Variants in DOCK5 observed in about 807,000 individuals in gnomAD.
DOCK5 encodes the protein dedicator of cytokinesis 5.
DOCK5 carries 142 observed loss-of-function variants against 251.8 expected under a neutral mutation model. That is an observed-to-expected ratio of 0.56 (90% CI 0.49 to 0.65). The LOEUF (loss-of-function observed/expected upper bound fraction) is 0.65, where lower values mean the gene tolerates loss of function less well. DOCK5 is among the 30% of genes least tolerant of loss of function. The pLI is 0.00. For synonymous variants in DOCK5, 842 were observed against 835.5 expected (o/e 1.01, Z -0.13); for missense variants, 2,111 against 2,312.3 (o/e 0.91, Z 1.79).
chr8:25,308,437 G>T (rs1259472341), intron 11 of DOCK5, among the ~76,000 whole-genome samples: 1 of 152,070 alleles, frequency 6.6e-6, no homozygotes, highest in Non-Finnish European at 1.5e-5. Context: ...AGACCTGGGG[G>T]CTCCTGCCCC....
Position 25,395,529 on chromosome 8 carries a change from G to A in DOCK5, c.4528-14G>A. On this transcript the variant is annotated splice_polypyrimidine_tract_variant and intron_variant, in intron 44 of 51. Coordinates refer to ENST00000276440, the MANE Select transcript of DOCK5 (RefSeq NM_024940.8). ...GACAAGTGTCCTCTTTCTCCCATGT[G>A]CTCTGTCACTCAGGAAGAGATCAGT... The A allele has an allele frequency of 6.2e-7, 1 of 1,600,374 alleles. No individual in the cohort carries two copies. Among genetic ancestry groups the A allele is most frequent in the East Asian group, 2.2e-5 (1 of 44,780 alleles).
chr8:25,292,176 G>T lies in DOCK5; in HGVS notation c.470+4G>T. On this transcript the variant is annotated splice_donor_region_variant and intron_variant, in intron 6 of 51. Transcript: ENST00000276440. ...CCAAAATTGATCATGGGAACAGGTA[G>T]GTAAACCAGGGATGGCTTTTCACTG... 1 of 1,561,806 alleles carries T rather than the reference G, an allele frequency of 6.4e-7. No individual in the cohort carries two copies. Among genetic ancestry groups the T allele is most frequent in the South Asian group, 1.2e-5 (1 of 84,498 alleles).
At chr8:25,319,510 G>A in intron 14 of DOCK5, 68 bp from the exon 15 acceptor site, 1 of 1,071,890 alleles carries the variant, frequency 9.3e-7, no homozygotes, top group East Asian at 2.6e-5. Context: ...GCTTGTGCAT[G>A]GTATATGGGG....
At chr8:25,392,956 C>A in intron 44 of DOCK5, 74 bp downstream of exon 44, 1 of 1,315,296 alleles carries the variant, frequency 7.6e-7, no homozygotes. Flanking sequence ...TGTTGAATTC[C>A]CTCTGCAGTT....
chr8:25,239,656 G>A (rs1171133382), intron 1 of DOCK5, among the ~76,000 whole-genome samples: 1 of 152,056 alleles, frequency 6.6e-6, no homozygotes, highest in Non-Finnish European at 1.5e-5. Flanking sequence ...ACCAGCAGAC[G>A]AATGAAGGAG....
rs1257723794 is a variant in DOCK5, at chr8:25,380,385, C to A, written c.4017C>A (p.Gly1339=). Residue 1339 remains glycine, a synonymous_variant, in exon 39 of 52, where the codon GGC becomes GGA. Transcript: ENST00000276440. ...AAGTATTTGACTACGAGGGCCTTGG[C>A]AACCTCCTGGTGAGTCTGGGTCAAA... ...ESKVFDYEGL[G]NLLKKRASFY... is the part of the protein sequence containing the mutation. 2 of 1,608,244 alleles carry A rather than the reference C, an allele frequency of 1.2e-6. No homozygotes were observed. The highest frequency in any genetic ancestry group is 2.2e-5 in the East Asian group (1 of 44,732).
intron 2 of DOCK5, among the ~76,000 whole-genome samples, chr8:25,247,967 G>C (rs904177240): frequency 2.6e-5 from 4 of 151,670 alleles, no homozygotes; most frequent in African/African-American, 9.7e-5. Flanking sequence ...TGCTGCGTCA[G>C]CCGTAGAACT....
intron 41 of DOCK5, 139 bp from the exon 42 acceptor site, chr8:25,390,067 G>A (rs1801230154): frequency 5.3e-6 from 3 of 567,336 alleles, no homozygotes; most frequent in Non-Finnish European, 6.0e-6. Flanking sequence ...CCCATTTTCA[G>A]TGTGGTCCTG....
At chr8:25,336,217 T>C (rs1384057575) in intron 21 of DOCK5, 22 bp from the exon 22 acceptor site, 1 of 1,599,928 alleles carries the variant, frequency 6.3e-7, no homozygotes, top group South Asian at 1.1e-5. Context: ...TTGGCTTAAT[T>C]TTTCTTTCTC....
chr8:25,229,380 G>A (rs1383421629), intron 1 of DOCK5, among the ~76,000 whole-genome samples: 1 of 152,066 alleles, frequency 6.6e-6, no homozygotes, highest in African/African-American at 2.4e-5. Context: ...TACTCTGGAG[G>A]TGAGGCAGGA....
chr8:25,269,679 A>G (rs1803854802), intron 3 of DOCK5, among the ~76,000 whole-genome samples: 1 of 151,000 alleles, frequency 6.6e-6, no homozygotes, highest in South Asian at 2.1e-4. Flanking sequence ...AGGTCTTGTC[A>G]GCACTTTTCC....
chr8:25,377,154 C>T (rs1366515477), intron 37 of DOCK5, 151 bp from the exon 38 acceptor site: 2 of 974,850 alleles, frequency 2.1e-6, no homozygotes, highest in Non-Finnish European at 2.7e-6. Flanking sequence ...TTGGAGCTGG[C>T]ATGTGTATAT....
chr8:25,362,122 G>A (rs1253931514), intron 28 of DOCK5, among the ~76,000 whole-genome samples: 1 of 152,150 alleles, frequency 6.6e-6, no homozygotes, highest in Non-Finnish European at 1.5e-5. Flanking sequence ...CCACTGTTAC[G>A]ATCCATTTTG....
At chr8:25,247,277 CTT>C (rs1305444365) in intron 2 of DOCK5, among the ~76,000 whole-genome samples, 1 of 152,070 alleles carries the variant, frequency 6.6e-6, no homozygotes, top group Non-Finnish European at 1.5e-5. Context: ...AATTGAAACA[CTT>C]TGTCCTGTTA....
chr8:25,285,247 G>C (rs537464704), intron 5 of DOCK5, among the ~76,000 whole-genome samples: 1 of 152,258 alleles, frequency 6.6e-6, no homozygotes, highest in Admixed American at 6.5e-5. Flanking sequence ...CAGGGTTCAA[G>C]CGATTCTCAT....
At chr8:25,372,205 C>G (rs140773752) in intron 34 of DOCK5, among the ~76,000 whole-genome samples, 1 of 152,250 alleles carries the variant, frequency 6.6e-6, no homozygotes, top group East Asian at 1.9e-4. Context: ...AGAGCACACA[C>G]GAACCTTTTG....
intron 34 of DOCK5, among the ~76,000 whole-genome samples, chr8:25,370,332 T>A (rs1379573808): frequency 6.6e-6 from 1 of 152,246 alleles, no homozygotes; most frequent in Non-Finnish European, 1.5e-5. Context: ...AGTCCAGTGA[T>A]TCTGCTTATC....
At chr8:25,294,476 T>TCCA (rs1322048784) in intron 6 of DOCK5, among the ~76,000 whole-genome samples, 2 of 152,222 alleles carry the variant, frequency 1.3e-5, no homozygotes, top group Admixed American at 1.3e-4. Context: ...GTATCCTATT[T>TCCA]CCACCACAGT....
chr8:25,398,134 C>G (rs1021086190), intron 45 of DOCK5, among the ~76,000 whole-genome samples: 4 of 152,162 alleles, frequency 2.6e-5, no homozygotes, highest in African/African-American at 7.2e-5. Context: ...CAGAACCCTA[C>G]TAGAAAAATG....
Sources: allele counts gnomAD v4.1 joint callset (sites outside exome capture counted in the v4.1 genomes callset), GRCh38; gene constraint gnomAD v4.1.1; transcripts MANE v1.5; gene names NCBI Gene and HGNC (gene_info 2026-07-23, HGNC 2026-07-21).